GAREM2: variants seen among roughly 807,000 people sequenced by gnomAD.
GAREM2 encodes GRB2-associated and regulator of MAPK protein 2.
Under a neutral mutation model 55.6 loss-of-function variants are expected in GAREM2, and 30 were observed. The ratio of observed to expected loss-of-function variants is 0.54; its 90% CI spans 0.40 to 0.73. The LOEUF is 0.73. GAREM2 is among the 30% of genes least tolerant of loss of function. The probability of loss-of-function intolerance (pLI) is 0.00; values close to 1 mark genes in which losing one functional copy is unlikely to be tolerated. For synonymous variants in GAREM2, 550 were observed against 569.1 expected (o/e 0.97, Z 0.48); for missense variants, 1,075 against 1,257.7 (o/e 0.85, Z 2.20).
rs1054313826 is a variant in GAREM2 at position 26,179,456 on chromosome 2, T to C, written c.253+2972T>C. Among the ~76,000 whole-genome samples the C allele has an allele frequency of 1.3e-5, 2 of 152,148 alleles. No homozygotes were observed. The highest frequency in any genetic ancestry group is 2.9e-5 in the Non-Finnish European group (2 of 68,014). On this transcript the variant is annotated intron_variant, in intron 2 of 5. Transcript: ENST00000401533. The surrounding 1 kb of genome is among the most constrained non-coding windows in gnomAD (Gnocchi z 4.7). ...AGCCTGAGCTTTTACCCACGTTCTT[T>C]ACTGAGTGTGTGCTGTGGGGCAGGC... is the stretch of plus-strand genomic sequence containing the variant.
chr2:26,182,238 G>A, intron 2 of GAREM2: 1 of 1,417,384 alleles, frequency 7.1e-7, no homozygotes, highest in Non-Finnish European at 9.2e-7. Context: ...AGGGGCATGT[G>A]CTGAGCTTGG....
intron 2 of GAREM2, among the ~76,000 whole-genome samples, chr2:26,178,908 A>AGGCGGAGGCGGAGGCG (rs1456119952): frequency 4.7e-5 from 1 of 21,320 alleles, no homozygotes; most frequent in South Asian, 1.1e-3. Flanking sequence ...AGGCGGAGGC[A>AGGCGGAGGCGGAGGCG]GAGGCCCCTA....
the GAREM2 span, chr2:26,194,971 G>C: frequency 1.1e-6 from 1 of 921,384 alleles, no homozygotes; most frequent in South Asian, 1.3e-5. Context: ...AGACAACCCA[G>C]GGGAAAATCA....
At chr2:26,184,207 C>T in intron 3 of GAREM2, 26 bp from the exon 4 acceptor site, 1 of 1,547,520 alleles carries the variant, frequency 6.5e-7, no homozygotes. Flanking sequence ...CTGGCTAAGG[C>T]CCTGCCCTGT....
At chr2:26,181,185 A>ATAAAGCAG in intron 2 of GAREM2, 5 of 962,294 alleles carry the variant, frequency 5.2e-6, no homozygotes, top group Non-Finnish European at 6.2e-6. Flanking sequence ...GTTGTACAGA[A>ATAAAGCAG]TAAAGCTTTA....
At chr2:26,185,433 A>G (rs1263444909) in intron 4 of GAREM2, among the ~76,000 whole-genome samples, 157 bp downstream of exon 4, 1 of 152,246 alleles carries the variant, frequency 6.6e-6, no homozygotes, top group Admixed American at 6.5e-5. Context: ...AGGCAAAAGC[A>G]TTTGTAGTAA....
chr2:26,192,573 G>A (rs1322900084), downstream of GAREM2: 2 of 674,598 alleles, frequency 3.0e-6, no homozygotes, highest in East Asian at 2.8e-5. Context: ...ATCATTTGAG[G>A]TCAGGAGTTT....
chr2:26,190,527 G>T (rs1019642445), downstream of GAREM2: 1 of 153,210 alleles, frequency 6.5e-6, no homozygotes, highest in Admixed American at 6.5e-5. Flanking sequence ...CATCAAGGGA[G>T]ATGTCAGCGC....
the GAREM2 span, among the ~76,000 whole-genome samples, chr2:26,203,518 C>T: frequency 6.6e-6 from 1 of 152,096 alleles, no homozygotes; most frequent in African/African-American, 2.4e-5. Context: ...CTGTAAAGCC[C>T]CAGACACTGT....
the GAREM2 span, chr2:26,194,765 C>G: frequency 6.7e-6 from 5 of 748,648 alleles, no homozygotes; most frequent in Non-Finnish European, 1.2e-5. Flanking sequence ...GACTTAAAAT[C>G]TCAATCAGAA....
In GAREM2 at chr2:26,185,461, G is replaced by T. The variant is rs139088823; in HGVS notation, c.1428+185G>T. On this transcript the variant is annotated intron_variant, in intron 4 of 5. Coordinates refer to ENST00000401533, the MANE Select transcript of GAREM2 (RefSeq NM_001168241.2). ...TGTAGTAAGGGGCACTGGGGCGGGC[G>T]GTGGCGGGAGAGCTGTGGGACAGAG... 7.6e-3 allele frequency among the ~76,000 whole-genome samples: 1,151 copies of T among 152,340 alleles called. 21 individuals are homozygous for T. Among genetic ancestry groups the T allele is most frequent in the African/African-American group, 0.026 (1,082 of 41,580 alleles).
At chr2:26,191,700 A>G, downstream of GAREM2, 2 of 1,517,618 alleles carry the variant, frequency 1.3e-6, no homozygotes, top group Non-Finnish European at 9.2e-7. Context: ...CAGATGCAGA[A>G]TGGAAGTCGG....
chr2:26,187,725 T>C lies in GAREM2; in HGVS notation c.2093T>C (p.Leu698Pro). ...TCTTCTGAATGGCAGGAACCAGTCC[T>C]GGAGCCCTTCGATCCCTTTGAGCTG... ...SSSSEWQEPV[L>P]EPFDPFELGQ... Residue 698 changes from leucine to proline, a missense_variant, in exon 6 of 6, where the codon CTG (leucine) becomes CCG (proline). Physicochemically the swap from Leu to Pro is moderately conservative, Grantham distance 98. Around this residue, in one of 6 missense-constraint regions of GAREM2, gnomAD observed 515 missense variants for 501.5 expected, o/e 1.03. Transcript: ENST00000401533. The C allele has an allele frequency of 1.4e-6, 2 of 1,469,766 alleles. No individual in the cohort carries two copies. Among genetic ancestry groups the C allele is most frequent in the South Asian group, 2.9e-5 (2 of 70,054 alleles). The allele number at this position is 1,469,766 out of a possible 1,614,324, so 91.0% of individuals were successfully genotyped here.
chr2:26,195,835 G>C, the GAREM2 span, among the ~76,000 whole-genome samples: 1 of 152,162 alleles, frequency 6.6e-6, no homozygotes, highest in Non-Finnish European at 1.5e-5. Flanking sequence ...CAGCCCTACT[G>C]AATCAGAAAC....
rs1669318066 is a variant in GAREM2 at position 26,187,539 on chromosome 2, C to T, written c.1907C>T (p.Pro636Leu). ...GGAGCTCTCAACCCTTTTTCCGGGC[C>T]TGCCTACCCCTCAGGCCCTTCAGCG... ...PFGALNPFSG[P>L]AYPSGPSAAL... The change falls in exon 6 of 6, where the codon CCT becomes CTT. Residue 636 changes from proline (P) to leucine (L), a missense_variant. Pro to Leu is a moderately conservative substitution (Grantham distance 98). This residue lies in a region of GAREM2 where 515 missense variants were observed against 501.5 expected (regional missense o/e 1.03). Transcript: ENST00000401533. 3.9e-6 allele frequency: 6 copies of T among 1,534,732 alleles called. No homozygotes were observed. The highest frequency in any genetic ancestry group is 5.3e-6 in the Non-Finnish European group (6 of 1,139,886).
chr2:26,187,181 C>G, intron 5 of GAREM2, 50 bp from the exon 6 acceptor site: 2 of 1,412,386 alleles, frequency 1.4e-6, no homozygotes. Context: ...CTATCGGATT[C>G]CCTCTCAGCC....
the GAREM2 span, among the ~76,000 whole-genome samples, chr2:26,196,597 C>A: frequency 6.6e-6 from 1 of 152,126 alleles, no homozygotes; most frequent in Non-Finnish European, 1.5e-5. Context: ...TCCTGTATCC[C>A]TTGCTCCCGG....
chr2:26,182,811 C>T (rs547649996), intron 2 of GAREM2, among the ~76,000 whole-genome samples, 156 bp from the exon 3 acceptor site: 1 of 152,342 alleles, frequency 6.6e-6, no homozygotes, highest in South Asian at 2.1e-4. Flanking sequence ...CAGCCCCCTT[C>T]AGCCCATGCC....
chr2:26,186,193 A>G lies in GAREM2; in HGVS notation c.1433A>G (p.Lys478Arg). Residue 478 changes from lysine (K) to arginine (R), a missense_variant, in exon 5 of 6, where the codon AAG becomes AGG. Physicochemically the swap from Lys to Arg is conservative, Grantham distance 26. Transcript: ENST00000401533. ...PPVPPKSEAV[K>R]EECRLLNAPP... The stretch of plus-strand genomic sequence containing the variant: ...GTCACCGCCCTCTGCTTGTAGGTGA[A>G]GGAGGAGTGCCGCCTGCTCAATGCC... 6.6e-7 allele frequency: 1 copy of G among 1,509,494 alleles called. No individual in the cohort carries two copies. 93.5% of individuals were successfully genotyped at this position (1,509,494 alleles called of 1,614,324 possible). A position where few individuals can be genotyped will look rare whatever the true frequency, so the allele number is the denominator to read the frequency against.
Sources: gnomAD v4.1 joint callset for allele counts (sites outside exome capture counted in the v4.1 genomes callset) on GRCh38, gnomAD v4.1.1 for gene constraint, gnomAD v4.1.1 regional missense constraint, Gnocchi (gnomAD v3.1) non-coding constraint, MANE v1.5 for transcripts, NCBI Gene and HGNC (gene_info 2026-07-23, HGNC 2026-07-21) for gene names.